ADAM18: variants seen among roughly 807,000 people sequenced by gnomAD.
The protein encoded by ADAM18 is ADAM metallopeptidase domain 18.
Under a neutral mutation model 94.4 loss-of-function variants are expected in ADAM18, and 117 were observed. The observed-to-expected ratio is 1.24, with a 90% confidence interval of 1.07 to 1.45. The LOEUF (loss-of-function observed/expected upper bound fraction) is 1.45, where lower values mean the gene tolerates loss of function less well. Ranked by LOEUF, ADAM18 falls within the 40% of genes most tolerant of loss-of-function variation. The pLI is 0.00. For synonymous variants in ADAM18, 327 were observed against 291.6 expected (o/e 1.12, Z -1.24); for missense variants, 936 against 880.0 (o/e 1.06, Z -0.81).
intron 17 of ADAM18, among the ~76,000 whole-genome samples, chr8:39,702,086 C>A (rs1822096366): frequency 6.6e-6 from 1 of 152,206 alleles, no homozygotes; most frequent in African/African-American, 2.4e-5. Flanking sequence ...AGTGGCTGAA[C>A]TAATTAACAC....
intron 7 of ADAM18, among the ~76,000 whole-genome samples, chr8:39,633,830 T>G: frequency 1.0e-5 from 1 of 96,216 alleles, no homozygotes. Context: ...CCTTGCCCTG[T>G]AAAAAAAAAA....
chr8:39,660,067 C>T (rs1240193852), intron 12 of ADAM18, among the ~76,000 whole-genome samples: 2 of 151,788 alleles, frequency 1.3e-5, no homozygotes, highest in Admixed American at 6.6e-5. Context: ...TTTATGTAAG[C>T]CTTATGATAA....
At chr8:39,705,326 T>C (rs1822211327) in intron 17 of ADAM18, among the ~76,000 whole-genome samples, 1 of 152,188 alleles carries the variant, frequency 6.6e-6, no homozygotes, top group Non-Finnish European at 1.5e-5. Flanking sequence ...TGCTTTGCTC[T>C]GGCTGTTTCT....
At chr8:39,667,305 G>A (rs1241140480) in intron 13 of ADAM18, among the ~76,000 whole-genome samples, 1 of 151,556 alleles carries the variant, frequency 6.6e-6, no homozygotes, top group Non-Finnish European at 1.5e-5. Flanking sequence ...GGGAGGCTGA[G>A]GCAGGAGAAT....
chr8:39,598,985 A>G (rs913013027), intron 2 of ADAM18, among the ~76,000 whole-genome samples: 11 of 151,830 alleles, frequency 7.2e-5, no homozygotes, highest in African/African-American at 2.7e-4. Flanking sequence ...CTAATGTTGT[A>G]TTTTTAGTGG....
chr8:39,607,497 A>G (rs60954504), intron 3 of ADAM18, among the ~76,000 whole-genome samples: 115 of 152,202 alleles, frequency 7.6e-4, no homozygotes, highest in African/African-American at 2.7e-3. Flanking sequence ...TTCCTCTACA[A>G]CTCCACAAGT....
At chr8:39,695,719 A>G (rs1018504540) in intron 17 of ADAM18, among the ~76,000 whole-genome samples, 5 of 151,426 alleles carry the variant, frequency 3.3e-5, no homozygotes, top group Admixed American at 6.6e-5. Context: ...TTCACTTAGC[A>G]TGATATTTTC....
intron 2 of ADAM18, among the ~76,000 whole-genome samples, chr8:39,604,323 C>T (rs996667558): frequency 3.3e-5 from 5 of 152,210 alleles, no homozygotes; most frequent in Non-Finnish European, 7.3e-5. Context: ...TTTTTTGTTA[C>T]ACTCAATCCC....
intron 6 of ADAM18, among the ~76,000 whole-genome samples, chr8:39,623,013 C>A (rs1819657643): frequency 1.3e-5 from 2 of 152,044 alleles, no homozygotes; most frequent in Non-Finnish European, 2.9e-5. Flanking sequence ...GGCTTTTAAT[C>A]CCTCACTCCC....
chr8:39,669,592 G>T (rs1007032406), intron 14 of ADAM18, among the ~76,000 whole-genome samples: 3 of 150,720 alleles, frequency 2.0e-5, no homozygotes, highest in African/African-American at 7.3e-5. Flanking sequence ...GCCATAGTTT[G>T]CTGAGAATGA....
At chr8:39,623,486 C>T (rs1380226006) in intron 6 of ADAM18, among the ~76,000 whole-genome samples, 1 of 145,588 alleles carries the variant, frequency 6.9e-6, no homozygotes, top group South Asian at 2.2e-4. Flanking sequence ...GAAATAAGTT[C>T]CCTTTTCACC....
chr8:39,713,212 G>A (rs962493456), intron 18 of ADAM18, among the ~76,000 whole-genome samples: 10 of 152,224 alleles, frequency 6.6e-5, no homozygotes, highest in African/African-American at 1.9e-4. Flanking sequence ...TTTAATAAAC[G>A]GTGCTGGGAA....
intron 10 of ADAM18, among the ~76,000 whole-genome samples, chr8:39,641,559 T>A (rs1001692430): frequency 3.9e-5 from 6 of 151,980 alleles, no homozygotes; most frequent in Non-Finnish European, 8.8e-5. Context: ...GTTCTAGGCG[T>A]CCATATGTTC....
chr8:39,615,744 A>T (rs4506171), intron 6 of ADAM18, among the ~76,000 whole-genome samples: 155 of 152,310 alleles, frequency 1.0e-3, no homozygotes, highest in African/African-American at 3.7e-3. Context: ...AAGGCATTCA[A>T]ATAGGAAGAG....
Position 39,638,377 on chromosome 8 carries a change from AAAT to A in ADAM18, c.828-87_828-85del, listed in dbSNP as rs1208278391. 15 of 862,296 alleles carry A rather than the reference AAAT, an allele frequency of 1.7e-5. No homozygotes were observed. In the East Asian group the frequency reaches 4.1e-4, roughly 24 times the overall value. 53.4% of individuals were successfully genotyped at this position (862,296 alleles called of 1,614,324 possible). On this transcript the variant is annotated intron_variant, in intron 9 of 19. Transcript: ENST00000265707. ...TTATATATTTGCAAAGTCATTTTTA[AAAT>A]TTTATGTGAAGAAGGTTTAATTTAA...
intron 6 of ADAM18, among the ~76,000 whole-genome samples, chr8:39,619,078 G>A (rs1819530604): frequency 6.6e-6 from 1 of 152,050 alleles, no homozygotes; most frequent in Non-Finnish European, 1.5e-5. Flanking sequence ...ACCAACAAGG[G>A]CATTATATAA....
chr8:39,611,342 T>C lies in ADAM18; in HGVS notation c.522+636T>C, dbSNP rs984321663. 4 of 707,458 alleles carry C rather than the reference T, an allele frequency of 5.7e-6. No homozygotes were observed. The East Asian group carries it at 4.0e-4, about 70-fold the overall frequency. 43.8% of individuals were successfully genotyped at this position (707,458 alleles called of 1,614,324 possible). ...GTTTCTATGAATGGATCTCTTTGTGTTTACCATACTTGGAGCTCAAAGCAC... is the reference window on the plus strand; with the variant it reads ...GTTTCTATGAATGGATCTCTTTGTGCTTACCATACTTGGAGCTCAAAGCAC... On this transcript the variant is annotated intron_variant, in intron 6 of 19. Transcript: ENST00000265707.
At chr8:39,663,571 C>T (rs994212336) in intron 12 of ADAM18, among the ~76,000 whole-genome samples, 9 of 129,706 alleles carry the variant, frequency 6.9e-5, no homozygotes, top group African/African-American at 2.7e-4. Flanking sequence ...TGCATTCCAG[C>T]CTGGGTGACA....
intron 2 of ADAM18, among the ~76,000 whole-genome samples, chr8:39,598,621 A>G (rs1378314926): frequency 1.3e-5 from 2 of 151,904 alleles, no homozygotes; most frequent in Non-Finnish European, 2.9e-5. Context: ...TATGAAAATT[A>G]ACAGGATGTG....
Sources: gnomAD v4.1 joint callset for allele counts (sites outside exome capture counted in the v4.1 genomes callset) on GRCh38, gnomAD v4.1.1 for gene constraint, MANE v1.5 for transcripts, NCBI Gene and HGNC (gene_info 2026-07-23, HGNC 2026-07-21) for gene names.